Variants in FGF10 observed in about 807,000 individuals in gnomAD.
The protein encoded by FGF10 is fibroblast growth factor 10, also known as FGF-10.
In FGF10, 2 loss-of-function variants were observed where a neutral mutation model predicts 19.8. The observed-to-expected ratio is 0.10, with a 90% CI of 0.04 to 0.32. FGF10 has a LOEUF of 0.32. Ranked by LOEUF, FGF10 falls within the 10% of genes least tolerant of loss-of-function variation. The pLI, the probability that FGF10 is intolerant of heterozygous loss-of-function variation, is 1.00. For missense variants in FGF10, 191 were observed against 246.3 expected, an observed-to-expected ratio of 0.78 and a Z score of 1.50; for synonymous variants, 112 against 94.0, an observed-to-expected ratio of 1.19 and a Z score of -1.10.
At chr5:44,344,782 G>A (rs1741050580) in intron 1 of FGF10, among the ~76,000 whole-genome samples, 1 of 151,654 alleles carries the variant, frequency 6.6e-6, no homozygotes, top group Non-Finnish European at 1.5e-5. Flanking sequence ...GTGGTTTCTA[G>A]GGGTCAGTAA....
At chr5:44,374,221 T>A (rs1378335579) in intron 1 of FGF10, among the ~76,000 whole-genome samples, 1 of 152,170 alleles carries the variant, frequency 6.6e-6, no homozygotes, top group Non-Finnish European at 1.5e-5. Context: ...TCAAAATGCC[T>A]TCTGCCTTCT....
intron 2 of FGF10, among the ~76,000 whole-genome samples, chr5:44,306,279 C>A (rs1041744923): frequency 3.3e-5 from 5 of 152,078 alleles, no homozygotes; most frequent in African/African-American, 1.2e-4. Flanking sequence ...CGCCTGTAAT[C>A]TCAGCTACTC....
intron 1 of FGF10, among the ~76,000 whole-genome samples, chr5:44,344,974 G>C (rs887323847): frequency 6.6e-6 from 1 of 151,856 alleles, no homozygotes; most frequent in African/African-American, 2.4e-5. Flanking sequence ...GTGGCCTTGG[G>C]TGCCTAAAAA....
chr5:44,300,259 T>A lies in FGF10; in HGVS notation c.*4736A>T, dbSNP rs199974639. ...AAGACAAAGCAGGTTTTTTTCTGTT[T>A]TTTTTTTATTTTACACTTAAACAAT... On this transcript the variant is annotated 3_prime_UTR_variant, in exon 3 of 3. Coordinates refer to ENST00000264664, the MANE Select transcript of FGF10 (RefSeq NM_004465.2). 1.3e-5 allele frequency among the ~76,000 whole-genome samples: 2 copies of A among 151,698 alleles called. No homozygotes were observed. Among genetic ancestry groups the A allele is most frequent in the African/African-American group, 4.8e-5 (2 of 41,298 alleles).
intron 1 of FGF10, among the ~76,000 whole-genome samples, chr5:44,364,047 G>T (rs1741550250): frequency 6.6e-6 from 1 of 151,738 alleles, no homozygotes; most frequent in Non-Finnish European, 1.5e-5. Flanking sequence ...AAACACCAGG[G>T]CTGAGATCCT....
rs1742171867 is a variant in FGF10, at chr5:44,388,744, A to G, written c.-62T>C. 1 of 1,563,820 alleles carries G rather than the reference A, an allele frequency of 6.4e-7. No individual in the cohort carries two copies. On this transcript the variant is annotated 5_prime_UTR_variant, in exon 1 of 3. Transcript: ENST00000264664. ...AGAAGGAACATACTGGAAGGGTAAG[A>G]CCCGATGCAAGGCAAGGAGAGAGCT...
chr5:44,385,091 T>C (rs1742068589), intron 1 of FGF10, among the ~76,000 whole-genome samples: 1 of 152,066 alleles, frequency 6.6e-6, no homozygotes, highest in African/African-American at 2.4e-5. Context: ...ATGTAAAGAA[T>C]GATAAAACAA....
chr5:44,357,996 G>A (rs546441430), intron 1 of FGF10, among the ~76,000 whole-genome samples: 50 of 151,464 alleles, frequency 3.3e-4, no homozygotes, highest in African/African-American at 1.0e-3. Flanking sequence ...GTGTACCCAA[G>A]AGGCTGAGTG....
intron 1 of FGF10, among the ~76,000 whole-genome samples, chr5:44,364,951 T>C (rs528198429): frequency 6.6e-6 from 1 of 151,818 alleles, no homozygotes; most frequent in Non-Finnish European, 1.5e-5. Context: ...CAAGGCAAAA[T>C]GAGCTAAAAT....
At chr5:44,354,824 A>G (rs181720340) in intron 1 of FGF10, among the ~76,000 whole-genome samples, 1 of 151,664 alleles carries the variant, frequency 6.6e-6, no homozygotes, top group East Asian at 2.0e-4. Context: ...TCCAAGACAC[A>G]TGTAATATAA....
intron 1 of FGF10, among the ~76,000 whole-genome samples, chr5:44,321,552 T>C (rs1740488171): frequency 6.6e-6 from 1 of 152,220 alleles, no homozygotes; most frequent in African/African-American, 2.4e-5. Flanking sequence ...AATGGCTTTC[T>C]GATTTCACTG....
chr5:44,344,603 T>TGTGTGTGTGTGTGA (rs58735673), intron 1 of FGF10, among the ~76,000 whole-genome samples: 1 of 149,256 alleles, frequency 6.7e-6, no homozygotes, highest in Non-Finnish European at 1.5e-5. Flanking sequence ...TGTGTGTGTG[T>TGTGTGTGTGTGTGA]TAAACCAACT....
intron 1 of FGF10, among the ~76,000 whole-genome samples, chr5:44,331,204 A>T (rs1185697848): frequency 6.6e-6 from 1 of 152,152 alleles, no homozygotes; most frequent in Non-Finnish European, 1.5e-5. Context: ...AAGCCAGACT[A>T]GATAGTGCTT....
chr5:44,358,999 T>C (rs1741414984), intron 1 of FGF10, among the ~76,000 whole-genome samples: 1 of 151,570 alleles, frequency 6.6e-6, no homozygotes, highest in Non-Finnish European at 1.5e-5. Context: ...ATTTGTTCTC[T>C]ATGTGATGCA....
rs1330416972 is a variant in FGF10, at chr5:44,388,686, A to C, written c.-4T>G. ...GTGTCAGTATCCATTTCCACATTGT[A>C]CTGAAACTCTCGGCACTGGAAATTG... On this transcript the variant is annotated 5_prime_UTR_variant, in exon 1 of 3. Coordinates refer to ENST00000264664, the MANE Select transcript of FGF10 (RefSeq NM_004465.2). The C allele has an allele frequency of 6.2e-7, 1 of 1,613,786 alleles. No homozygotes were observed. The highest frequency in any genetic ancestry group is 1.3e-5 in the African/African-American group (1 of 74,910).
At chr5:44,330,490 T>G (rs760891618) in intron 1 of FGF10, among the ~76,000 whole-genome samples, 1 of 152,308 alleles carries the variant, frequency 6.6e-6, no homozygotes, top group South Asian at 2.1e-4. Flanking sequence ...TCACCAGCAA[T>G]TTGCCTCTGT....
At chr5:44,338,596 G>T (rs1740902056) in intron 1 of FGF10, among the ~76,000 whole-genome samples, 1 of 152,132 alleles carries the variant, frequency 6.6e-6, no homozygotes, top group Admixed American at 6.6e-5. Context: ...GATCAGCAAA[G>T]CTTTTCCCTT....
intron 1 of FGF10, among the ~76,000 whole-genome samples, chr5:44,315,896 A>G (rs946398831): frequency 6.6e-6 from 1 of 152,170 alleles, no homozygotes; most frequent in Non-Finnish European, 1.5e-5. Flanking sequence ...CCTCTCTTTA[A>G]AAATGAAACA....
At chr5:44,316,568 T>C (rs1740355562) in intron 1 of FGF10, among the ~76,000 whole-genome samples, 1 of 152,168 alleles carries the variant, frequency 6.6e-6, no homozygotes, top group Admixed American at 6.5e-5. Context: ...CCACACACTG[T>C]TCTATACAAT....
Sources: allele counts gnomAD v4.1 joint callset (sites outside exome capture counted in the v4.1 genomes callset), GRCh38; gene constraint gnomAD v4.1.1; transcripts MANE v1.5; gene names NCBI Gene and HGNC (gene_info 2026-07-23, HGNC 2026-07-21).